CNTNAP2: variants seen among roughly 807,000 people sequenced by gnomAD.
CNTNAP2 encodes the protein contactin associated protein 2, also known as contactin-associated protein-like 2.
Under a neutral mutation model 155.2 loss-of-function variants are expected in CNTNAP2, and 98 were observed. That is an observed-to-expected ratio of 0.63 (90% confidence interval 0.54 to 0.75). The LOEUF (loss-of-function observed/expected upper bound fraction) is 0.75. Among genes scored for constraint, CNTNAP2 ranks in the 30% least tolerant of loss-of-function variants. The pLI is 0.00. For synonymous variants in CNTNAP2, 651 were observed against 631.2 expected (o/e 1.03, Z -0.47); for missense variants, 1,727 against 1,688.1 (o/e 1.02, Z -0.40).
At chr7:148,060,425 A>G (rs1488129694) in intron 15 of CNTNAP2, among the ~76,000 whole-genome samples, 1 of 152,198 alleles carries the variant, frequency 6.6e-6, no homozygotes, top group Non-Finnish European at 1.5e-5. Context: ...AATAGAACAG[A>G]CAATTGCAAT....
At chr7:148,112,936 A>G (rs116746087) in intron 15 of CNTNAP2, among the ~76,000 whole-genome samples, 1,647 of 152,108 alleles carry the variant, frequency 0.011, 20 homozygotes, top group South Asian at 0.042. Flanking sequence ...GGAATTGGGA[A>G]GGGGCGGGAA....
At chr7:148,282,660 G>GA (rs1796994447) in intron 21 of CNTNAP2, among the ~76,000 whole-genome samples, 1 of 151,866 alleles carries the variant, frequency 6.6e-6, no homozygotes. Context: ...ATGAAAAACT[G>GA]AAAAAAACTT....
intron 1 of CNTNAP2, among the ~76,000 whole-genome samples, chr7:146,711,805 C>G (rs1430532185): frequency 8.6e-6 from 1 of 116,374 alleles, no homozygotes. Context: ...ATAGTATACA[C>G]ATCTTATGTA....
chr7:146,392,924 A>G (rs1795566179), intron 1 of CNTNAP2, among the ~76,000 whole-genome samples: 1 of 152,180 alleles, frequency 6.6e-6, no homozygotes, highest in African/African-American at 2.4e-5. Flanking sequence ...AGAGTTTTGC[A>G]AAATATTTGA....
chr7:148,323,894 T>C (rs1797844097), intron 21 of CNTNAP2, among the ~76,000 whole-genome samples: 1 of 149,250 alleles, frequency 6.7e-6, no homozygotes, highest in African/African-American at 2.5e-5. Flanking sequence ...TTTTTTTTTT[T>C]TTTTTTTTTG....
chr7:146,446,572 A>C (rs919898144), intron 1 of CNTNAP2, among the ~76,000 whole-genome samples: 2 of 152,126 alleles, frequency 1.3e-5, no homozygotes, highest in Non-Finnish European at 2.9e-5. Flanking sequence ...GAAAAAGACC[A>C]GTTGGTTCTA....
chr7:147,102,282 GAAAAAA>G (rs555981471), intron 4 of CNTNAP2, among the ~76,000 whole-genome samples: 2 of 110,610 alleles, frequency 1.8e-5, no homozygotes, highest in East Asian at 5.2e-4. Context: ...TAGGCAAAAA[GAAAAAA>G]AAAAAAAAAG....
intron 2 of CNTNAP2, among the ~76,000 whole-genome samples, chr7:146,785,608 A>G (rs1802562355): frequency 6.6e-6 from 1 of 152,236 alleles, no homozygotes; most frequent in Admixed American, 6.5e-5. Context: ...AAACTATCTC[A>G]CAAATTGTTT....
At chr7:146,799,191 CT>C (rs1802830218) in intron 2 of CNTNAP2, among the ~76,000 whole-genome samples, 1 of 151,810 alleles carries the variant, frequency 6.6e-6, no homozygotes, top group Non-Finnish European at 1.5e-5. Context: ...TTTCTTTTTT[CT>C]TTTTTAAGTG....
chr7:147,833,127 G>T (rs534786068), intron 13 of CNTNAP2, among the ~76,000 whole-genome samples: 1 of 139,436 alleles, frequency 7.2e-6, no homozygotes. Context: ...TTTTTCTTAG[G>T]TTTTTTTTTT....
rs571003341 is a variant in CNTNAP2, at chr7:146,861,930, G to C, written c.402+22026G>C. Reference sequence around the variant, plus strand: ...AATTAACCTCTGGGCATTGGATTTGGAATGGAGGGATTATTATTCATTGGC... The same window carrying C: ...AATTAACCTCTGGGCATTGGATTTGCAATGGAGGGATTATTATTCATTGGC... On this transcript the variant is annotated intron_variant, in intron 3 of 23. Coordinates refer to ENST00000361727, the MANE Select transcript of CNTNAP2 (RefSeq NM_014141.6). Among the ~76,000 whole-genome samples the C allele has an allele frequency of 2.6e-5, 4 of 152,232 alleles. No homozygotes were observed. The South Asian group carries it at 8.3e-4, about 32-fold the overall frequency.
At chr7:148,067,141 G>A (rs987061286) in intron 15 of CNTNAP2, among the ~76,000 whole-genome samples, 3 of 152,096 alleles carry the variant, frequency 2.0e-5, no homozygotes, top group Non-Finnish European at 4.4e-5. Flanking sequence ...CATTGCTGGC[G>A]AGCTAGTGTG....
At chr7:146,621,696 A>T (rs151234036) in intron 1 of CNTNAP2, among the ~76,000 whole-genome samples, 182 of 152,206 alleles carry the variant, frequency 1.2e-3, no homozygotes, top group Non-Finnish European at 8.5e-4. Flanking sequence ...GTCACTGTTG[A>T]TGTTGATCTT....
intron 1 of CNTNAP2, among the ~76,000 whole-genome samples, chr7:146,210,087 A>G (rs898048235): frequency 1.3e-5 from 2 of 152,110 alleles, no homozygotes; most frequent in African/African-American, 4.8e-5. Context: ...CAAACTTTTC[A>G]TGTTTTTAAT....
chr7:147,786,277 A>G, intron 13 of CNTNAP2, among the ~76,000 whole-genome samples: 1 of 152,182 alleles, frequency 6.6e-6, no homozygotes, highest in East Asian at 1.9e-4. Context: ...GCAATGAGAT[A>G]CAAAATTAGA....
chr7:147,460,823 G>A (rs1027922383), intron 10 of CNTNAP2, among the ~76,000 whole-genome samples: 6 of 152,192 alleles, frequency 3.9e-5, no homozygotes, highest in African/African-American at 1.4e-4. Context: ...AGTGACATTG[G>A]ATGTGCATGG....
At chr7:147,578,004 A>G (rs530691421) in intron 12 of CNTNAP2, among the ~76,000 whole-genome samples, 57 of 152,166 alleles carry the variant, frequency 3.7e-4, no homozygotes, top group Admixed American at 2.4e-3. Flanking sequence ...AAATGTTCCA[A>G]CTTCTATACA....
At chr7:147,514,887 A>T (rs970740207) in intron 11 of CNTNAP2, among the ~76,000 whole-genome samples, 1 of 152,012 alleles carries the variant, frequency 6.6e-6, no homozygotes, top group Non-Finnish European at 1.5e-5. Flanking sequence ...GCCTTAGTCG[A>T]CCTACTTTCA....
chr7:147,666,869 C>G (rs1304269104), intron 13 of CNTNAP2, among the ~76,000 whole-genome samples: 1 of 152,156 alleles, frequency 6.6e-6, no homozygotes, highest in African/African-American at 2.4e-5. Context: ...TAGCCATGAT[C>G]TCAAAGAATG....
Sources: gnomAD v4.1 joint callset for allele counts (sites outside exome capture counted in the v4.1 genomes callset) on GRCh38, gnomAD v4.1.1 for gene constraint, MANE v1.5 for transcripts, NCBI Gene and HGNC (gene_info 2026-07-23, HGNC 2026-07-21) for gene names.